The following SHOC2 variants were observed in gnomAD, a reference collection of about 807,000 sequenced individuals.
SHOC2 encodes the protein leucine-rich repeat protein SHOC-2.
In SHOC2, 4 loss-of-function variants were observed where a neutral mutation model predicts 50.2. The observed-to-expected ratio is 0.08, with a 90% CI of 0.04 to 0.18. The LOEUF (loss-of-function observed/expected upper bound fraction) is 0.18. Among genes scored for constraint, SHOC2 ranks in the 10% least tolerant of loss-of-function variants. The pLI is 1.00. For missense variants in SHOC2, 388 were observed against 669.6 expected (o/e 0.58, Z 4.64); for synonymous variants, 218 against 244.5 (o/e 0.89, Z 1.01).
rs1564732148 is a variant in SHOC2 at position 111,011,755 on chromosome 10, TG to T, written c.1692del (p.Pro565LeufsTer8). 1 of 1,613,962 alleles carries T rather than the reference TG, an allele frequency of 6.2e-7. No individual in the cohort carries two copies. Among genetic ancestry groups the T allele is most frequent in the Non-Finnish European group, 8.5e-7 (1 of 1,179,938 alleles). On this transcript the variant is annotated frameshift_variant, in exon 9 of 9. Coordinates refer to ENST00000369452, the MANE Select transcript of SHOC2 (RefSeq NM_007373.4). LOFTEE classifies it high-confidence loss of function. ...LSHLPPQIVA[G>X]GPSFIIQFLK... ...GTCACCTTCCACCTCAGATTGTTGC[TG>T]GGGGGCCTTCTTTCATCATTCAGTT...
intron 1 of SHOC2, among the ~76,000 whole-genome samples, chr10:110,926,381 CAT>C (rs1846773329): frequency 6.6e-6 from 1 of 152,150 alleles, no homozygotes; most frequent in African/African-American, 2.4e-5. Flanking sequence ...AGGACAAAGA[CAT>C]GTCATAATGT....
chr10:110,985,132 T>A (rs1848054202), intron 2 of SHOC2, among the ~76,000 whole-genome samples: 1 of 152,178 alleles, frequency 6.6e-6, no homozygotes, highest in Non-Finnish European at 1.5e-5. Context: ...ACTTTTAAGA[T>A]AATATTTTAA....
In SHOC2 at chr10:111,002,292, G is replaced by A. The variant is rs374438816; in HGVS notation, c.972+1747G>A. ...TCCCAATGCAAATGTGAAATTATCC[G>A]CATTTATAGTAAGGAAAACAATAAA... On this transcript the variant is annotated intron_variant, in intron 4 of 8. Coordinates refer to ENST00000369452, the MANE Select transcript of SHOC2 (RefSeq NM_007373.4). Among the ~76,000 whole-genome samples the A allele has an allele frequency of 5.3e-5, 8 of 152,180 alleles. No homozygotes were observed. In the South Asian group the frequency reaches 8.3e-4, roughly 16 times the overall value.
At chr10:110,941,146 A>G (rs1238273525) in intron 1 of SHOC2, among the ~76,000 whole-genome samples, 3 of 150,602 alleles carry the variant, frequency 2.0e-5, no homozygotes, top group Non-Finnish European at 4.4e-5. Context: ...CCCATCTCTC[A>G]CTTTTTTTTT....
chr10:110,990,601 G>A (rs1590823921), intron 3 of SHOC2, among the ~76,000 whole-genome samples: 1 of 152,012 alleles, frequency 6.6e-6, no homozygotes, highest in Admixed American at 6.6e-5. Context: ...CAGGCCACTC[G>A]GCTCTACCAA....
intron 1 of SHOC2, among the ~76,000 whole-genome samples, chr10:110,935,988 C>G (rs1190127501): frequency 1.3e-5 from 2 of 151,840 alleles, no homozygotes; most frequent in African/African-American, 4.8e-5. Context: ...ACTTTATCAT[C>G]AAGTATTTTC....
At chr10:110,952,130 G>A (rs1016921051) in intron 1 of SHOC2, among the ~76,000 whole-genome samples, 13 of 151,782 alleles carry the variant, frequency 8.6e-5, no homozygotes, top group African/African-American at 2.4e-4. Context: ...GCCTTTTTAC[G>A]TTTTGTTTTT....
At chr10:110,959,189 G>T (rs542130065) in intron 1 of SHOC2, among the ~76,000 whole-genome samples, 2 of 152,296 alleles carry the variant, frequency 1.3e-5, no homozygotes, top group South Asian at 4.1e-4. Context: ...ATGTCCTCAT[G>T]AATGTGATTG....
chr10:110,934,487 A>G (rs1846964406), intron 1 of SHOC2, among the ~76,000 whole-genome samples: 1 of 152,198 alleles, frequency 6.6e-6, no homozygotes, highest in African/African-American at 2.4e-5. Context: ...ATAAAGTTAT[A>G]CTATGCTGTC....
At chr10:110,928,911 A>T (rs140718110) in intron 1 of SHOC2, among the ~76,000 whole-genome samples, 93 of 152,304 alleles carry the variant, frequency 6.1e-4, no homozygotes, top group African/African-American at 2.2e-3. Context: ...AGTCAGCTGT[A>T]TAACTCCTGT....
At chr10:110,919,788 A>C in intron 1 of SHOC2, 131 bp downstream of exon 1, 1 of 392,424 alleles carries the variant, frequency 2.5e-6, no homozygotes, top group Non-Finnish European at 4.5e-6. Context: ...GCGAGCCGGC[A>C]GCGCCGGGGC....
intron 1 of SHOC2, among the ~76,000 whole-genome samples, chr10:110,920,304 T>A (rs181609271): frequency 6.6e-6 from 1 of 152,118 alleles, no homozygotes; most frequent in Admixed American, 6.5e-5. Flanking sequence ...ACATGCCCGA[T>A]GGCAACCTCT....
intron 1 of SHOC2, among the ~76,000 whole-genome samples, chr10:110,944,870 T>TTGTG (rs554633870): frequency 4.7e-4 from 71 of 152,236 alleles, no homozygotes; most frequent in African/African-American, 1.5e-3. Context: ...CCAGAGGATT[T>TTGTG]TGTGTGTGTG....
At chr10:110,987,543 G>A (rs1248726276) in intron 3 of SHOC2, among the ~76,000 whole-genome samples, 2 of 152,092 alleles carry the variant, frequency 1.3e-5, no homozygotes, top group East Asian at 3.9e-4. Context: ...AGGCAAGATT[G>A]TCTCCAACAC....
At chr10:110,946,266 C>G (rs551036108) in intron 1 of SHOC2, among the ~76,000 whole-genome samples, 5 of 151,304 alleles carry the variant, frequency 3.3e-5, no homozygotes, top group South Asian at 4.2e-4. Flanking sequence ...TGAAGCTGAT[C>G]ATTTATATTT....
chr10:110,989,115 AT>A lies in SHOC2; in HGVS notation c.841+3352del, dbSNP rs1401059912. The A allele has an allele frequency of 1.9e-5, 9 of 465,688 alleles. No individual in the cohort carries two copies. In the East Asian group the frequency reaches 5.6e-4, roughly 29 times the overall value. The allele number at this position is 465,688 out of a possible 1,614,324, so 28.8% of individuals were successfully genotyped here. On this transcript the variant is annotated intron_variant, in intron 3 of 8. Transcript: ENST00000369452. ...CAAGAACATTCCTGATAGGACTTGA[AT>A]TCTTTCATCATGGTAAAAGTATTCC...
chr10:110,966,149 T>G (rs1447277388), intron 2 of SHOC2, among the ~76,000 whole-genome samples: 1 of 152,098 alleles, frequency 6.6e-6, no homozygotes, highest in Non-Finnish European at 1.5e-5. Context: ...AAAAAAGATG[T>G]GGTTTAAATT....
intron 5 of SHOC2, among the ~76,000 whole-genome samples, chr10:111,006,528 G>C (rs569502600): frequency 6.6e-6 from 1 of 151,936 alleles, no homozygotes; most frequent in East Asian, 1.9e-4. Context: ...CCGCCACTAC[G>C]CCCGGCTAAT....
At chr10:110,982,901 C>T (rs997284321) in intron 2 of SHOC2, among the ~76,000 whole-genome samples, 5 of 151,952 alleles carry the variant, frequency 3.3e-5, no homozygotes, top group East Asian at 1.9e-4. Context: ...TGCATAAAAT[C>T]GGTGTTAATT....
Sources: gnomAD v4.1 joint callset for allele counts (sites outside exome capture counted in the v4.1 genomes callset) on GRCh38, gnomAD v4.1.1 for gene constraint, MANE v1.5 for transcripts, NCBI Gene and HGNC (gene_info 2026-07-23, HGNC 2026-07-21) for gene names.